GRAMD4: variants seen among roughly 807,000 people sequenced by gnomAD.
GRAMD4 encodes GRAM domain-containing protein 4.
In GRAMD4, 25 loss-of-function variants were observed where a neutral mutation model predicts 83.9. That is an observed-to-expected ratio of 0.30 (90% CI 0.22 to 0.42). The LOEUF (loss-of-function observed/expected upper bound fraction) is 0.42, where lower values mean the gene tolerates loss of function less well. GRAMD4 is among the 10% of genes least tolerant of loss of function. The pLI is 1.00. For synonymous variants in GRAMD4, 336 were observed against 320.9 expected (o/e 1.05, Z -0.50); for missense variants, 593 against 788.7 (o/e 0.75, Z 2.97).
At chr22:46,667,472 G>A (rs750236544) in intron 10 of GRAMD4, among the ~76,000 whole-genome samples, 5 of 152,360 alleles carry the variant, frequency 3.3e-5, no homozygotes, top group Non-Finnish European at 7.3e-5. Flanking sequence ...TTACCCTTGA[G>A]TAGACGACAG....
chr22:46,662,552 A>C (rs1174937906), intron 5 of GRAMD4, among the ~76,000 whole-genome samples: 4 of 152,022 alleles, frequency 2.6e-5, no homozygotes, highest in Non-Finnish European at 5.9e-5. Flanking sequence ...CTCGCCAGGC[A>C]CCCCCAGCCC....
At chr22:46,662,795 G>A (rs774037153) in intron 5 of GRAMD4, among the ~76,000 whole-genome samples, 9 of 152,210 alleles carry the variant, frequency 5.9e-5, no homozygotes, top group Non-Finnish European at 1.0e-4. Context: ...CACTGAGGTC[G>A]TCATGGCTGG....
At chr22:46,632,901 C>T (rs939379272) in intron 2 of GRAMD4, among the ~76,000 whole-genome samples, 1 of 152,192 alleles carries the variant, frequency 6.6e-6, no homozygotes, top group Non-Finnish European at 1.5e-5. Context: ...TTGAATTTTC[C>T]GCCTCTGCAC....
intron 10 of GRAMD4, among the ~76,000 whole-genome samples, chr22:46,667,501 C>G (rs373343922): frequency 6.6e-6 from 1 of 152,246 alleles, no homozygotes; most frequent in African/African-American, 2.4e-5. Flanking sequence ...GCCATGGAAG[C>G]CAAAAATATT....
At chr22:46,644,369 GGGTTACACCTGTCCCTGTTCCA>G (rs1411080057) in intron 3 of GRAMD4, among the ~76,000 whole-genome samples, 1 of 147,062 alleles carries the variant, frequency 6.8e-6, no homozygotes, top group Non-Finnish European at 1.5e-5. Flanking sequence ...TCCCTGTTCT[GGGTTACACCTGTCCCTGTTCCA>G]GGTTACACCT....
chr22:46,582,829 C>T (rs2081111297), intron 1 of GRAMD4, among the ~76,000 whole-genome samples: 1 of 152,248 alleles, frequency 6.6e-6, no homozygotes, highest in Non-Finnish European at 1.5e-5. Flanking sequence ...GTTGTGCAGC[C>T]ATCACCACAA....
At chr22:46,606,568 G>A (rs542199639) in intron 1 of GRAMD4, among the ~76,000 whole-genome samples, 2 of 111,352 alleles carry the variant, frequency 1.8e-5, no homozygotes, top group African/African-American at 6.0e-5. Flanking sequence ...ATGGGCCTAT[G>A]GCCGGTGCTG....
upstream of GRAMD4, chr22:46,575,930 G>A (rs1235247647): frequency 6.6e-6 from 1 of 152,340 alleles, no homozygotes; most frequent in South Asian, 2.1e-4. Flanking sequence ...TAGACCTGGA[G>A]GGGGATCAAA....
chr22:46,627,455 G>A (rs1305679846), intron 2 of GRAMD4, among the ~76,000 whole-genome samples: 3 of 152,250 alleles, frequency 2.0e-5, no homozygotes, highest in Non-Finnish European at 2.9e-5. Flanking sequence ...AAATACCCAC[G>A]GAGCACCTCA....
chr22:46,614,413 A>G (rs2081449124), intron 1 of GRAMD4, among the ~76,000 whole-genome samples: 1 of 152,268 alleles, frequency 6.6e-6, no homozygotes, highest in Non-Finnish European at 1.5e-5. Context: ...CGAATGGCGT[A>G]AAAGCCTTGT....
intron 14 of GRAMD4, 36 bp downstream of exon 14, chr22:46,673,033 G>A (rs773239539): frequency 8.4e-6 from 5 of 597,070 alleles, no homozygotes; most frequent in Non-Finnish European, 1.2e-5. Flanking sequence ...ATGGGGGGAT[G>A]GGGGGCCACG....
chr22:46,644,740 G>C (rs911478675), intron 3 of GRAMD4, among the ~76,000 whole-genome samples: 3 of 70,426 alleles, frequency 4.3e-5, no homozygotes, highest in East Asian at 6.9e-4. Context: ...TTTTTACTTT[G>C]TTTTGTTTTT....
At chr22:46,579,736 C>T (rs936072527) in intron 1 of GRAMD4, among the ~76,000 whole-genome samples, 8 of 152,098 alleles carry the variant, frequency 5.3e-5, no homozygotes, top group East Asian at 1.9e-4. Flanking sequence ...CTCCGGTAGC[C>T]GAATCTACTG....
intron 3 of GRAMD4, among the ~76,000 whole-genome samples, chr22:46,645,424 A>G (rs2082059497): frequency 6.6e-6 from 1 of 152,160 alleles, no homozygotes; most frequent in Non-Finnish European, 1.5e-5. Flanking sequence ...GCGTGCTGAC[A>G]TGGAGAGCTG....
At chr22:46,609,948 C>T (rs1291384684) in intron 1 of GRAMD4, among the ~76,000 whole-genome samples, 1 of 152,208 alleles carries the variant, frequency 6.6e-6, no homozygotes, top group Admixed American at 6.5e-5. Flanking sequence ...GGTTCGCCTT[C>T]CAGCACCCCT....
chr22:46,616,865 CCCCCGTGTGTAG>C (rs1569263237), upstream of GRAMD4, among the ~76,000 whole-genome samples: 6 of 20,450 alleles, frequency 2.9e-4, 1 homozygote, highest in Non-Finnish European at 2.9e-4. Flanking sequence ...TGTGTAGGTT[CCCCCGTGTGTAG>C]GTTCCCCTGT....
Position 46,679,619 on chromosome 22 carries a change from A to T in GRAMD4, c.*2368A>T. 1 of 983,406 alleles carries T rather than the reference A, an allele frequency of 1.0e-6. No individual in the cohort carries two copies. The highest frequency in any genetic ancestry group is 1.2e-6 in the Non-Finnish European group (1 of 827,874). 60.9% of individuals were successfully genotyped at this position (983,406 alleles called of 1,614,324 possible). On this transcript the variant is annotated 3_prime_UTR_variant, in exon 19 of 19. Coordinates refer to ENST00000406902, the MANE Select transcript of GRAMD4 (RefSeq NM_015124.5). The stretch of plus-strand genomic sequence containing the variant: ...TGAGTCTATTTTGGATCTGTAAATA[A>T]TCATTGCCAGTGTGACTTTTGTTCA...
chr22:46,633,027 G>A (rs559678871), intron 2 of GRAMD4, among the ~76,000 whole-genome samples: 3 of 152,312 alleles, frequency 2.0e-5, no homozygotes, highest in South Asian at 2.1e-4. Flanking sequence ...ATACTTATTT[G>A]TAGGGCTGAG....
At chr22:46,593,351 C>T (rs996221016) in intron 1 of GRAMD4, among the ~76,000 whole-genome samples, 1 of 152,052 alleles carries the variant, frequency 6.6e-6, no homozygotes, top group Non-Finnish European at 1.5e-5. Flanking sequence ...AGAGACATCC[C>T]CATTTCTGCA....
Sources: gnomAD v4.1 joint callset for allele counts (sites outside exome capture counted in the v4.1 genomes callset) on GRCh38, gnomAD v4.1.1 for gene constraint, MANE v1.5 for transcripts, NCBI Gene and HGNC (gene_info 2026-07-23, HGNC 2026-07-21) for gene names.